TSPAN14: variants seen among roughly 807,000 people sequenced by gnomAD.
TSPAN14 encodes tetraspanin-14.
In TSPAN14, 16 loss-of-function variants were observed where a neutral mutation model predicts 36.6. The ratio of observed to expected loss-of-function variants is 0.44; its 90% CI spans 0.30 to 0.66. The LOEUF (loss-of-function observed/expected upper bound fraction) is 0.66. Ranked by LOEUF, TSPAN14 falls within the 30% of genes least tolerant of loss-of-function variation. The pLI is 0.12. For missense variants in TSPAN14, 231 were observed against 355.1 expected, an observed-to-expected ratio of 0.65 and a Z score of 2.81; for synonymous variants, 139 against 143.8, an observed-to-expected ratio of 0.97 and a Z score of 0.24.
exon 9 of TSPAN14, chr10:80,519,021 T>G (rs2132074559): frequency 6.5e-6 from 1 of 152,846 alleles, no homozygotes; most frequent in Middle Eastern, 3.4e-3. Flanking sequence ...GCTACTGAAA[T>G]TGTCACCCAG....
chr10:80,504,082 C>G (rs72819602), intron 2 of TSPAN14, among the ~76,000 whole-genome samples: 3,390 of 152,258 alleles, frequency 0.022, 51 homozygotes, highest in Middle Eastern at 0.041. Flanking sequence ...TTAGAGCAAG[C>G]CTATTTTCAT....
chr10:80,510,868 C>T (rs757959196), intron 5 of TSPAN14, among the ~76,000 whole-genome samples: 1 of 151,784 alleles, frequency 6.6e-6, no homozygotes, highest in Non-Finnish European at 1.5e-5. Flanking sequence ...AGCAAGACTC[C>T]GTCTCAAAAA....
intron 1 of TSPAN14, among the ~76,000 whole-genome samples, chr10:80,477,358 T>TG (rs1428925955): frequency 8.5e-5 from 13 of 152,358 alleles, no homozygotes; most frequent in East Asian, 5.8e-4. Flanking sequence ...AAAAATACTT[T>TG]GAAATGTTCC....
In TSPAN14 at chr10:80,475,828, A is replaced by G. The variant is rs555956539; in HGVS notation, c.-17-13389A>G. 8.5e-5 allele frequency among the ~76,000 whole-genome samples: 13 copies of G among 152,144 alleles called. 1 individual carries two copies. The South Asian group carries it at 2.7e-3, about 32-fold the overall frequency. On this transcript the variant is annotated intron_variant, in intron 1 of 8. Transcript: ENST00000429989. ...TCTTGGACTCCTGACTTTGTGATCC[A>G]CCTGCCTCGGCCTCCCAGAGTGCTG...
At chr10:80,514,324 G>A (rs1022142074) in intron 7 of TSPAN14, among the ~76,000 whole-genome samples, 8 of 152,202 alleles carry the variant, frequency 5.3e-5, no homozygotes, top group Admixed American at 3.9e-4. Flanking sequence ...ATTTAAAGAG[G>A]TGGGATGGAA....
At position 80,488,986 on chromosome 10, in the gene TSPAN14, C is replaced by G. The variant is rs141040748; in HGVS notation, c.-17-231C>G. Among the ~76,000 whole-genome samples, 729 of 152,328 alleles carry G rather than the reference C, an allele frequency of 4.8e-3. 6 individuals carry two copies. Among genetic ancestry groups the G allele is most frequent in the Middle Eastern group, 0.027 (8 of 294 alleles). On this transcript the variant is annotated intron_variant, in intron 1 of 8. Coordinates refer to ENST00000429989, the Ensembl canonical transcript of TSPAN14. Reference sequence around the variant, plus strand: ...TACTTAGAAGACACTTAAAAAGCATCTTTCTTCCTTTCAAAAATCTCCCTT... The same window carrying G: ...TACTTAGAAGACACTTAAAAAGCATGTTTCTTCCTTTCAAAAATCTCCCTT...
At chr10:80,514,415 G>A (rs962934237) in intron 7 of TSPAN14, among the ~76,000 whole-genome samples, 1 of 152,206 alleles carries the variant, frequency 6.6e-6, no homozygotes, top group African/African-American at 2.4e-5. Flanking sequence ...ACAGCTGCAG[G>A]AGTGTAGGTG....
intron 1 of TSPAN14, among the ~76,000 whole-genome samples, chr10:80,480,465 A>T (rs557826153): frequency 6.6e-6 from 1 of 152,342 alleles, no homozygotes; most frequent in South Asian, 2.1e-4. Context: ...ATGCTGCTAT[A>T]AAGACACATG....
chr10:80,511,711 CCT>C (rs56307745), intron 5 of TSPAN14, among the ~76,000 whole-genome samples: 276 of 25,726 alleles, frequency 0.011, 13 homozygotes, highest in Middle Eastern at 0.048. Context: ...AAGGGCAGGT[CCT>C]CTCTCTCTCT....
At chr10:80,494,441 C>G (rs1190014691) in intron 2 of TSPAN14, among the ~76,000 whole-genome samples, 1 of 152,230 alleles carries the variant, frequency 6.6e-6, no homozygotes, top group East Asian at 1.9e-4. Flanking sequence ...CTGTGCAAAC[C>G]TGGGCATGTG....
chr10:80,490,345 T>A (rs919352047), intron 2 of TSPAN14, among the ~76,000 whole-genome samples: 3 of 152,114 alleles, frequency 2.0e-5, no homozygotes, highest in Non-Finnish European at 4.4e-5. Flanking sequence ...GCATGGAAGA[T>A]GGGTGTGTTG....
intron 1 of TSPAN14, chr10:80,459,310 T>A (rs12220655): frequency 1.3e-5 from 2 of 152,236 alleles, no homozygotes; most frequent in African/African-American, 4.8e-5. Flanking sequence ...CTGGGCAGGC[T>A]GGGGTTGAAA....
At chr10:80,506,322 G>C (rs912187711) in intron 3 of TSPAN14, among the ~76,000 whole-genome samples, 2 of 152,136 alleles carry the variant, frequency 1.3e-5, no homozygotes, top group African/African-American at 4.8e-5. Context: ...TAGTTGAGGC[G>C]GTCTTTTTCT....
At chr10:80,485,711 C>T in intron 1 of TSPAN14, 1 of 985,272 alleles carries the variant, frequency 1.0e-6, no homozygotes, top group Non-Finnish European at 1.2e-6. Flanking sequence ...GAGGTGCCTT[C>T]CCTCCCTGTC....
intron 3 of TSPAN14, among the ~76,000 whole-genome samples, chr10:80,505,945 C>T (rs1332158890): frequency 6.6e-6 from 1 of 152,218 alleles, no homozygotes. Context: ...TGGAAGTCAG[C>T]CTTCCTGTTC....
At chr10:80,457,735 G>A (rs554820404) in intron 1 of TSPAN14, among the ~76,000 whole-genome samples, 14 of 152,358 alleles carry the variant, frequency 9.2e-5, no homozygotes, top group African/African-American at 3.4e-4. Context: ...GGGAAGACCA[G>A]CACTACCACA....
chr10:80,511,117 G>A (rs1447390330), intron 5 of TSPAN14, among the ~76,000 whole-genome samples: 1 of 152,198 alleles, frequency 6.6e-6, no homozygotes, highest in Non-Finnish European at 1.5e-5. Context: ...AAGGGCAAAT[G>A]CAAAGAAGTT....
chr10:80,496,884 A>G (rs1211172346), intron 2 of TSPAN14, among the ~76,000 whole-genome samples: 1 of 151,834 alleles, frequency 6.6e-6, no homozygotes, highest in Non-Finnish European at 1.5e-5. Context: ...CATATTTGCA[A>G]TACTTGTTTT....
At chr10:80,520,851 G>C in exon 9 of TSPAN14, 1 of 530,988 alleles carries the variant, frequency 1.9e-6, no homozygotes, top group Non-Finnish European at 3.9e-6. Context: ...CCTCCTGAAT[G>C]TCCTCTGCTT....
Sources: allele counts gnomAD v4.1 joint callset (sites outside exome capture counted in the v4.1 genomes callset), GRCh38; gene constraint gnomAD v4.1.1; transcripts MANE v1.5; gene names NCBI Gene and HGNC (gene_info 2026-07-23, HGNC 2026-07-21).